The following ARHGAP8 variants were observed in gnomAD, a reference collection of about 807,000 sequenced individuals.
ARHGAP8 encodes Rho GTPase activating protein 8.
In ARHGAP8, 62 loss-of-function variants were observed where a neutral mutation model predicts 46.1. The ratio of observed to expected loss-of-function variants is 1.34; its 90% confidence interval spans 1.10 to 1.66. The LOEUF (loss-of-function observed/expected upper bound fraction) is 1.66. ARHGAP8 is among the 40% of genes most tolerant of loss of function. The pLI, the probability that ARHGAP8 is intolerant of heterozygous loss-of-function variation, is 0.00. For synonymous variants in ARHGAP8, 375 were observed against 243.1 expected (o/e 1.54, Z -5.05); for missense variants, 923 against 568.4 (o/e 1.62, Z -6.34).
rs149236637 is a variant in ARHGAP8 at position 44,754,201 on chromosome 22, A to T, written c.-72+1574A>T. ...AGGTGGCCATTGAGCTGGAAGGTGG[A>T]TGGGAGGTGGATGGGGAAGAGAATG... On this transcript the variant is annotated intron_variant, in intron 1 of 11. Coordinates refer to ENST00000356099, the MANE Select transcript of ARHGAP8 (RefSeq NM_181335.3). 2.2e-4 allele frequency among the ~76,000 whole-genome samples: 34 copies of T among 152,146 alleles called. No homozygotes were observed. In the East Asian group the frequency reaches 6.4e-3, roughly 29 times the overall value.
rs183940027 is a variant in ARHGAP8 at position 44,771,674 on chromosome 22, A to G, written c.-71-14783A>G. Among the ~76,000 whole-genome samples the G allele has an allele frequency of 6.6e-3, 960 of 146,462 alleles. 4 individuals carry two copies. The highest frequency in any genetic ancestry group is 0.018 in the Middle Eastern group (5 of 278). On this transcript the variant is annotated intron_variant, in intron 1 of 11. Transcript: ENST00000356099. ...GGTTCAAGCGATTCTCCTGCCTCAG[A>G]CTCCCGAGTAGCTGGGATTACAGGC...
chr22:44,839,424 G>A (rs906173466), intron 7 of ARHGAP8, among the ~76,000 whole-genome samples: 5 of 152,290 alleles, frequency 3.3e-5, no homozygotes, highest in South Asian at 2.1e-4. Context: ...TCTAATCACC[G>A]TTTAAGTGGA....
At chr22:44,822,198 C>T (rs978337500) in intron 5 of ARHGAP8, among the ~76,000 whole-genome samples, 173 bp from the exon 6 acceptor site, 5 of 152,028 alleles carry the variant, frequency 3.3e-5, no homozygotes, top group Non-Finnish European at 7.4e-5. Flanking sequence ...AAATATCTCC[C>T]GGCGTGCGCT....
At chr22:44,794,211 AC>A (rs1927913559) in intron 2 of ARHGAP8, among the ~76,000 whole-genome samples, 1 of 152,190 alleles carries the variant, frequency 6.6e-6, no homozygotes, top group Non-Finnish European at 1.5e-5. Flanking sequence ...CAGTGCACTT[AC>A]TGTGTTCTGG....
intron 7 of ARHGAP8, among the ~76,000 whole-genome samples, chr22:44,828,516 C>T (rs529675914): frequency 6.8e-6 from 1 of 147,610 alleles, no homozygotes; most frequent in African/African-American, 2.5e-5. Context: ...GTGGCAGGAT[C>T]TCGGCTCCCT....
Position 44,813,792 on chromosome 22 carries a change from C to T in ARHGAP8, c.300-880C>T, listed in dbSNP as rs1392614444. Reference sequence around the variant, plus strand: ...TTACACCTACATACACCTACACACACATACAATTACAGTTACATACACTTA... The same window carrying T: ...TTACACCTACATACACCTACACACATATACAATTACAGTTACATACACTTA... On this transcript the variant is annotated intron_variant, in intron 4 of 11. Transcript: ENST00000356099. 2.0e-5 allele frequency among the ~76,000 whole-genome samples: 3 copies of T among 151,800 alleles called. No homozygotes were observed. The South Asian group carries it at 6.2e-4, about 31-fold the overall frequency.
In ARHGAP8 at chr22:44,829,147, T is replaced by C. The variant is rs577419115; in HGVS notation, c.596+3554T>C. ...AAAAAAAAAAAAAAAAAAAAAAAGT[T>C]GGGCATGGTGTCACACACCTGTAAT... is the stretch of plus-strand genomic sequence containing the variant. On this transcript the variant is annotated intron_variant, in intron 7 of 11. Transcript: ENST00000356099. 1.0e-4 allele frequency among the ~76,000 whole-genome samples: 12 copies of C among 116,304 alleles called. 1 individual carries two copies. In the South Asian group the frequency reaches 3.2e-3, roughly 31 times the overall value. 76.3% of individuals were successfully genotyped at this position (116,304 alleles called of 152,430 possible). A position where few individuals can be genotyped will look rare whatever the true frequency, so the allele number is the denominator to read the frequency against.
chr22:44,806,561 T>C (rs1928934082), intron 3 of ARHGAP8, among the ~76,000 whole-genome samples: 1 of 152,126 alleles, frequency 6.6e-6, no homozygotes, highest in African/African-American at 2.4e-5. Context: ...GAGATAATAG[T>C]ACCTGGCTCC....
chr22:44,845,712 C>T (rs2069937576), intron 8 of ARHGAP8, among the ~76,000 whole-genome samples: 1 of 152,200 alleles, frequency 6.6e-6, no homozygotes, highest in Non-Finnish European at 1.5e-5. Flanking sequence ...AATGGGGACT[C>T]CTCTGATGGG....
intron 7 of ARHGAP8, among the ~76,000 whole-genome samples, chr22:44,840,820 C>A (rs914911602): frequency 1.3e-5 from 2 of 152,190 alleles, no homozygotes; most frequent in African/African-American, 4.8e-5. Context: ...CGCGTCCTCG[C>A]GTGGAGAAAG....
chr22:44,834,094 G>A (rs942065414), intron 7 of ARHGAP8, among the ~76,000 whole-genome samples: 3 of 152,000 alleles, frequency 2.0e-5, no homozygotes, highest in Non-Finnish European at 4.4e-5. Context: ...TTTTCAAGGA[G>A]TCAACTTTTG....
chr22:44,824,602 A>G (rs1297313234), intron 6 of ARHGAP8, among the ~76,000 whole-genome samples: 4 of 151,032 alleles, frequency 2.6e-5, no homozygotes, highest in Admixed American at 6.6e-5. Flanking sequence ...ACCTGAGCAC[A>G]GAGGGTCTTT....
intron 7 of ARHGAP8, among the ~76,000 whole-genome samples, chr22:44,842,516 G>C (rs115848147): frequency 6.6e-6 from 1 of 152,332 alleles, no homozygotes; most frequent in East Asian, 1.9e-4. Context: ...GAAAGGTCAC[G>C]TGCTTTGTAG....
intron 1 of ARHGAP8, among the ~76,000 whole-genome samples, chr22:44,761,236 CTG>C (rs1925109845): frequency 6.6e-6 from 1 of 152,170 alleles, no homozygotes; most frequent in Non-Finnish European, 1.5e-5. Flanking sequence ...TTGGTGGCCT[CTG>C]TATTCGTGGG....
intron 1 of ARHGAP8, among the ~76,000 whole-genome samples, chr22:44,776,409 G>A (rs142236474): frequency 9.3e-4 from 140 of 150,996 alleles, no homozygotes; most frequent in East Asian, 9.1e-3. Flanking sequence ...CTGAGGTCGC[G>A]CCATTGCACT....
intron 6 of ARHGAP8, among the ~76,000 whole-genome samples, chr22:44,823,053 C>G (rs1250265621): frequency 6.6e-6 from 1 of 152,258 alleles, no homozygotes; most frequent in Non-Finnish European, 1.5e-5. Flanking sequence ...GTGTCTCCCT[C>G]TCTGAGGCGC....
chr22:44,775,447 C>A (rs1047621038), intron 1 of ARHGAP8, among the ~76,000 whole-genome samples: 41 of 61,594 alleles, frequency 6.7e-4, no homozygotes, highest in African/African-American at 2.6e-3. Flanking sequence ...GGACATAATT[C>A]TTTCTCTTTT....
In ARHGAP8 at chr22:44,778,872, A is replaced by G. The variant is rs545957608; in HGVS notation, c.-71-7585A>G. Among the ~76,000 whole-genome samples, 3 of 152,228 alleles carry G rather than the reference A, an allele frequency of 2.0e-5. No homozygotes were observed. The South Asian group carries it at 6.2e-4, about 32-fold the overall frequency. On this transcript the variant is annotated intron_variant, in intron 1 of 11. Coordinates refer to ENST00000356099, the MANE Select transcript of ARHGAP8 (RefSeq NM_181335.3). ...CCTCCTCTCTCTCTAACCCCACATTAAAAGGTAACTTCCAGGAAATGGAAA... is the reference window on the plus strand; with the variant it reads ...CCTCCTCTCTCTCTAACCCCACATTGAAAGGTAACTTCCAGGAAATGGAAA...
intron 7 of ARHGAP8, among the ~76,000 whole-genome samples, chr22:44,829,603 G>C (rs970857378): frequency 6.6e-6 from 1 of 152,244 alleles, no homozygotes; most frequent in East Asian, 1.9e-4. Flanking sequence ...AGCTTGGAGA[G>C]AGAATCCCTG....
Sources: gnomAD v4.1 joint callset for allele counts (sites outside exome capture counted in the v4.1 genomes callset) on GRCh38, gnomAD v4.1.1 for gene constraint, MANE v1.5 for transcripts, NCBI Gene and HGNC (gene_info 2026-07-23, HGNC 2026-07-21) for gene names.